The following EPB41L5 variants were observed in gnomAD, a reference collection of about 807,000 sequenced individuals.
EPB41L5 encodes the protein erythrocyte membrane protein band 4.1 like 5.
EPB41L5 carries 55 observed loss-of-function variants against 106.6 expected under a neutral mutation model. The ratio of observed to expected loss-of-function variants is 0.52; its 90% CI spans 0.42 to 0.65. The LOEUF is 0.65. Ranked by LOEUF, EPB41L5 falls within the 30% of genes least tolerant of loss-of-function variation. EPB41L5 has a pLI of 0.00. For missense variants in EPB41L5, 871 were observed against 882.1 expected, an observed-to-expected ratio of 0.99 and a Z score of 0.16; for synonymous variants, 297 against 306.7, an observed-to-expected ratio of 0.97 and a Z score of 0.33.
At chr2:120,057,141 C>T (rs1358666997) in intron 3 of EPB41L5, among the ~76,000 whole-genome samples, 3 of 152,140 alleles carry the variant, frequency 2.0e-5, no homozygotes, top group Non-Finnish European at 4.4e-5. Context: ...TGATCCTCTT[C>T]AGCCTCGCAA....
intron 3 of EPB41L5, among the ~76,000 whole-genome samples, chr2:120,071,433 C>A (rs1163742875): frequency 1.3e-5 from 2 of 150,214 alleles, no homozygotes; most frequent in Non-Finnish European, 3.0e-5. Flanking sequence ...TCAGTGGTAT[C>A]CCCATCAAGC....
intron 20 of EPB41L5, among the ~76,000 whole-genome samples, chr2:120,151,745 T>C (rs1374882374): frequency 6.6e-6 from 1 of 151,642 alleles, no homozygotes; most frequent in Non-Finnish European, 1.5e-5. Context: ...CCCTCCTGAG[T>C]AGCTGGGATT....
chr2:120,045,405 G>T (rs1679700136), intron 3 of EPB41L5, among the ~76,000 whole-genome samples: 1 of 152,118 alleles, frequency 6.6e-6, no homozygotes, highest in Non-Finnish European at 1.5e-5. Flanking sequence ...TGCAAGGATG[G>T]TATAAATAAC....
In EPB41L5 at chr2:120,175,172, T is replaced by A; in HGVS notation, c.*265T>A. 1 of 432,658 alleles carries A rather than the reference T, an allele frequency of 2.3e-6. No individual in the cohort carries two copies. The highest frequency in any genetic ancestry group is 3.8e-5 in the East Asian group (1 of 25,984). 26.8% of individuals were successfully genotyped at this position (432,658 alleles called of 1,614,324 possible). On this transcript the variant is annotated 3_prime_UTR_variant, in exon 25 of 25. Coordinates refer to ENST00000263713, the MANE Select transcript of EPB41L5 (RefSeq NM_020909.4). The stretch of plus-strand genomic sequence containing the variant: ...GTTACAAATTCCCGAAAGAAGGGAA[T>A]TTCTTTTTCTGGGGTTTCCTTCAAA...
In EPB41L5 at chr2:120,177,227, G is replaced by C. The variant is rs555636120; in HGVS notation, c.*2320G>C. The C allele has an allele frequency of 1.3e-5, 2 of 152,462 alleles. No individual in the cohort carries two copies. Among genetic ancestry groups the C allele is most frequent in the African/African-American group, 4.8e-5 (2 of 41,402 alleles). 9.4% of individuals were successfully genotyped at this position (152,462 alleles called of 1,614,324 possible). Reference sequence around the variant, plus strand: ...ATGTGGCAGGTAGGGAAGGGGAGATGTCTGTCTCTTGAGAAGAGAGAGGCA... The same window carrying C: ...ATGTGGCAGGTAGGGAAGGGGAGATCTCTGTCTCTTGAGAAGAGAGAGGCA... On this transcript the variant is annotated 3_prime_UTR_variant, in exon 25 of 25. Coordinates refer to ENST00000263713, the MANE Select transcript of EPB41L5 (RefSeq NM_020909.4).
chr2:120,177,091 C>G lies in EPB41L5; in HGVS notation c.*2184C>G, dbSNP rs1365627603. The G allele has an allele frequency of 6.6e-6, 1 of 152,202 alleles. No homozygotes were observed. Among genetic ancestry groups the G allele is most frequent in the African/African-American group, 2.4e-5 (1 of 41,422 alleles). 9.4% of individuals were successfully genotyped at this position (152,202 alleles called of 1,614,324 possible). Reference sequence around the variant, plus strand: ...TTAAATGCGTGTTGGGGATTGGTTTCCTGTCATAGCTGCTGCTGCTGCCAT... The same window carrying G: ...TTAAATGCGTGTTGGGGATTGGTTTGCTGTCATAGCTGCTGCTGCTGCCAT... On this transcript the variant is annotated 3_prime_UTR_variant, in exon 25 of 25. Coordinates refer to ENST00000263713, the MANE Select transcript of EPB41L5 (RefSeq NM_020909.4).
intron 3 of EPB41L5, among the ~76,000 whole-genome samples, chr2:120,050,824 A>G (rs1446490828): frequency 6.6e-6 from 1 of 152,198 alleles, no homozygotes; most frequent in African/African-American, 2.4e-5. Context: ...GGTGACATAC[A>G]GATGGGGTTT....
At chr2:120,025,976 A>G (rs954063620) in intron 2 of EPB41L5, among the ~76,000 whole-genome samples, 16 of 152,194 alleles carry the variant, frequency 1.1e-4, no homozygotes, top group Admixed American at 5.2e-4. Context: ...AAACAAACCC[A>G]TGCGGTCATG....
chr2:120,067,932 C>G (rs1373742309), intron 3 of EPB41L5, among the ~76,000 whole-genome samples: 1 of 152,180 alleles, frequency 6.6e-6, no homozygotes, highest in East Asian at 1.9e-4. Flanking sequence ...TTTAGCATGT[C>G]ATCCTTGTTA....
intron 10 of EPB41L5, among the ~76,000 whole-genome samples, chr2:120,082,076 C>G (rs1463163554): frequency 6.6e-6 from 1 of 152,176 alleles, no homozygotes; most frequent in Non-Finnish European, 1.5e-5. Context: ...TTGACTTCCT[C>G]TTTTCCTAAT....
chr2:120,074,249 C>T, intron 5 of EPB41L5, 71 bp downstream of exon 5: 1 of 1,135,412 alleles, frequency 8.8e-7, no homozygotes, highest in Non-Finnish European at 1.3e-6. Flanking sequence ...ATATTGTTTC[C>T]AATTTATAGC....
At chr2:120,064,609 G>A (rs1681318346) in intron 3 of EPB41L5, among the ~76,000 whole-genome samples, 1 of 152,196 alleles carries the variant, frequency 6.6e-6, no homozygotes, top group Non-Finnish European at 1.5e-5. Flanking sequence ...TCGATAGGAT[G>A]CTAAGAAATG....
chr2:120,020,183 C>T (rs1348627234), intron 2 of EPB41L5, among the ~76,000 whole-genome samples: 1 of 152,090 alleles, frequency 6.6e-6, no homozygotes, highest in Admixed American at 6.5e-5. Context: ...CTTTTCTCCC[C>T]ACAGACTTTT....
chr2:120,160,829 G>C, intron 20 of EPB41L5, 52 bp from the exon 21 acceptor site: 3 of 1,336,250 alleles, frequency 2.2e-6, no homozygotes, highest in Non-Finnish European at 3.2e-6. Flanking sequence ...TGAAAATCCT[G>C]CCTGTACCTG....
At chr2:120,076,700 C>G (rs1287493506) in intron 7 of EPB41L5, among the ~76,000 whole-genome samples, 3 of 151,778 alleles carry the variant, frequency 2.0e-5, no homozygotes, top group Non-Finnish European at 2.9e-5. Context: ...TTATGGAAGT[C>G]TAGAAAGCAG....
At chr2:120,106,020 A>G in intron 16 of EPB41L5, 1 of 985,004 alleles carries the variant, frequency 1.0e-6, no homozygotes, top group Non-Finnish European at 1.2e-6. Context: ...ACATGCTCAT[A>G]TAATGCCCCA....
intron 18 of EPB41L5, among the ~76,000 whole-genome samples, chr2:120,138,308 C>G (rs1012882131): frequency 6.6e-6 from 1 of 152,036 alleles, no homozygotes; most frequent in African/African-American, 2.4e-5. Flanking sequence ...TGCCCACTTT[C>G]ACTGCTGTTA....
chr2:120,151,552 C>T (rs1312942402), intron 20 of EPB41L5, among the ~76,000 whole-genome samples: 1 of 151,752 alleles, frequency 6.6e-6, no homozygotes, highest in African/African-American at 2.4e-5. Context: ...CCTCATGATC[C>T]ACCCACCTCG....
chr2:120,023,430 T>A (rs550028227), intron 2 of EPB41L5, among the ~76,000 whole-genome samples: 9 of 152,360 alleles, frequency 5.9e-5, no homozygotes, highest in Non-Finnish European at 2.9e-5. Flanking sequence ...TACCATTTAT[T>A]AAATAGGGAA....
Sources: gnomAD v4.1 joint callset for allele counts (sites outside exome capture counted in the v4.1 genomes callset) on GRCh38, gnomAD v4.1.1 for gene constraint, MANE v1.5 for transcripts, NCBI Gene and HGNC (gene_info 2026-07-23, HGNC 2026-07-21) for gene names.